The following TSHZ2 variants were observed in gnomAD, a reference collection of about 807,000 sequenced individuals.
TSHZ2 encodes teashirt zinc finger homeobox 2.
A neutral mutation model predicts 74.4 loss-of-function variants in TSHZ2; 21 were observed. The observed-to-expected ratio is 0.28, with a 90% CI of 0.20 to 0.41. TSHZ2 has a LOEUF of 0.41. Among genes scored for constraint, TSHZ2 ranks in the 10% least tolerant of loss-of-function variants. The pLI is 1.00. For missense variants in TSHZ2, 1,244 were observed against 1,293.5 expected (o/e 0.96, Z 0.59); for synonymous variants, 540 against 515.3 (o/e 1.05, Z -0.65).
chr20:53,060,770 C>T (rs1053500772), intron 1 of TSHZ2, among the ~76,000 whole-genome samples: 3 of 152,138 alleles, frequency 2.0e-5, no homozygotes, highest in African/African-American at 7.2e-5. Flanking sequence ...TATCCTTCTA[C>T]ACAACAGTAT....
At chr20:53,134,023 G>C (rs1987179917) in intron 1 of TSHZ2, among the ~76,000 whole-genome samples, 1 of 149,316 alleles carries the variant, frequency 6.7e-6, no homozygotes, top group Non-Finnish European at 1.5e-5. Flanking sequence ...ATACTATCTG[G>C]AGAAACAGAT....
At chr20:53,250,227 T>G (rs1024477579) in intron 1 of TSHZ2, among the ~76,000 whole-genome samples, 7 of 152,242 alleles carry the variant, frequency 4.6e-5, no homozygotes, top group African/African-American at 1.7e-4. Context: ...GTCCTGTGCT[T>G]TGGCATAACT....
At chr20:53,238,074 G>C (rs1186213785) in intron 1 of TSHZ2, among the ~76,000 whole-genome samples, 3 of 152,034 alleles carry the variant, frequency 2.0e-5, no homozygotes, top group Non-Finnish European at 4.4e-5. Flanking sequence ...TTTGTGTTCT[G>C]CCCTTTTGTC....
chr20:53,023,503 C>A (rs1315104445), intron 1 of TSHZ2, among the ~76,000 whole-genome samples: 1 of 152,100 alleles, frequency 6.6e-6, no homozygotes, highest in Non-Finnish European at 1.5e-5. Context: ...CGCAGGAGTA[C>A]ATTCCATTTA....
intron 2 of TSHZ2, among the ~76,000 whole-genome samples, chr20:53,282,424 T>A (rs1991080540): frequency 6.6e-6 from 1 of 152,240 alleles, no homozygotes; most frequent in Admixed American, 6.5e-5. Flanking sequence ...GAGTACCTGC[T>A]GTGTGCATTG....
chr20:53,315,289 T>G (rs1475395208), intron 2 of TSHZ2, among the ~76,000 whole-genome samples: 2 of 152,128 alleles, frequency 1.3e-5, no homozygotes, highest in African/African-American at 4.8e-5. Flanking sequence ...TAAATAACAC[T>G]TTTCCTCTGG....
rs963804521 is a variant in TSHZ2, at chr20:53,046,369, C to T, written c.40+73036C>T. On this transcript the variant is annotated intron_variant, in intron 1 of 2. Coordinates refer to ENST00000371497, the MANE Select transcript of TSHZ2 (RefSeq NM_173485.6). ...GACTGGTCTTTTCATCCAGGGCACTCGATGGTGGCTAGCAAAAGGACCCCC... is the reference window on the plus strand; with the variant it reads ...GACTGGTCTTTTCATCCAGGGCACTTGATGGTGGCTAGCAAAAGGACCCCC... Among the ~76,000 whole-genome samples, 7 of 152,242 alleles carry T rather than the reference C, an allele frequency of 4.6e-5. No homozygotes were observed. In the East Asian group the frequency reaches 9.7e-4, roughly 21 times the overall value.
intron 2 of TSHZ2, among the ~76,000 whole-genome samples, chr20:53,265,037 T>G (rs6126803): frequency 0.032 from 4,838 of 152,090 alleles, 230 homozygotes; most frequent in East Asian, 0.26. Flanking sequence ...GCAGGCCTGG[T>G]GGATCTGCAG....
chr20:53,336,597 T>C (rs1979957077), intron 2 of TSHZ2, among the ~76,000 whole-genome samples: 1 of 152,148 alleles, frequency 6.6e-6, no homozygotes, highest in South Asian at 2.1e-4. Context: ...CACACACCCA[T>C]GTTCTTTCCA....
chr20:53,452,475 C>T (rs1206369878), intron 2 of TSHZ2, among the ~76,000 whole-genome samples: 2 of 151,980 alleles, frequency 1.3e-5, no homozygotes, highest in Admixed American at 6.6e-5. Context: ...TAAAGTGTAC[C>T]TGTAATCCCA....
intron 2 of TSHZ2, among the ~76,000 whole-genome samples, chr20:53,360,221 G>A (rs933201152): frequency 1.3e-5 from 2 of 152,198 alleles, no homozygotes; most frequent in African/African-American, 4.8e-5. Flanking sequence ...ATATAAGACA[G>A]TGTAATAATG....
intron 1 of TSHZ2, among the ~76,000 whole-genome samples, chr20:53,032,793 G>C (rs903061210): frequency 6.6e-6 from 1 of 151,468 alleles, no homozygotes; most frequent in Non-Finnish European, 1.5e-5. Flanking sequence ...TGCTAGCATA[G>C]TCATTCAGAG....
intron 2 of TSHZ2, among the ~76,000 whole-genome samples, chr20:53,370,771 A>G (rs1448222704): frequency 6.6e-6 from 1 of 152,220 alleles, no homozygotes; most frequent in Non-Finnish European, 1.5e-5. Flanking sequence ...CTCAAAAAAC[A>G]AAACAAAACC....
chr20:53,003,765 G>A (rs1286348393), intron 1 of TSHZ2, among the ~76,000 whole-genome samples: 1 of 152,196 alleles, frequency 6.6e-6, no homozygotes, highest in Non-Finnish European at 1.5e-5. Flanking sequence ...AAAGATGCGA[G>A]CCCACAGATA....
intron 1 of TSHZ2, among the ~76,000 whole-genome samples, chr20:53,237,833 G>C (rs1186085326): frequency 1.3e-5 from 2 of 152,140 alleles, no homozygotes; most frequent in South Asian, 4.2e-4. Flanking sequence ...GAGCATGTGG[G>C]GACTCTTAAA....
At chr20:53,229,615 T>C (rs1190489162) in intron 1 of TSHZ2, among the ~76,000 whole-genome samples, 1 of 152,056 alleles carries the variant, frequency 6.6e-6, no homozygotes, top group Non-Finnish European at 1.5e-5. Context: ...AACTAAATAG[T>C]TCATTAATTA....
intron 1 of TSHZ2, among the ~76,000 whole-genome samples, chr20:53,202,250 T>C (rs922452434): frequency 7.9e-5 from 12 of 152,190 alleles, no homozygotes; most frequent in African/African-American, 2.9e-4. Context: ...TTTATAATTA[T>C]AGTCTCACTA....
At chr20:53,443,939 G>A (rs1021294930) in intron 2 of TSHZ2, among the ~76,000 whole-genome samples, 3 of 152,184 alleles carry the variant, frequency 2.0e-5, no homozygotes, top group African/African-American at 7.2e-5. Context: ...TCGCAGAGTG[G>A]ATGGGGGAAC....
At chr20:53,398,009 T>C (rs1730862524) in intron 2 of TSHZ2, 1 of 151,962 alleles carries the variant, frequency 6.6e-6, no homozygotes, top group Admixed American at 6.6e-5. Context: ...AGGGATAGCA[T>C]TAGGAGATAT....
Sources: allele counts gnomAD v4.1 joint callset (sites outside exome capture counted in the v4.1 genomes callset), GRCh38; gene constraint gnomAD v4.1.1; transcripts MANE v1.5; gene names NCBI Gene and HGNC (gene_info 2026-07-23, HGNC 2026-07-21).